The following DNAJC1 variants were observed in gnomAD, a reference collection of about 807,000 sequenced individuals.
DNAJC1 encodes the protein dnaJ homolog subfamily C member 1.
In DNAJC1, 58 loss-of-function variants were observed where a neutral mutation model predicts 76.6. The ratio of observed to expected loss-of-function variants is 0.76; its 90% confidence interval spans 0.61 to 0.94. The LOEUF is 0.94. Ranked by LOEUF, DNAJC1 falls within the 40% of genes least tolerant of loss-of-function variation. The probability of loss-of-function intolerance (pLI) is 0.00; values close to 1 mark genes in which losing one functional copy is unlikely to be tolerated. For missense variants in DNAJC1, 689 were observed against 677.3 expected (o/e 1.02, Z -0.19); for synonymous variants, 258 against 267.9 (o/e 0.96, Z 0.36).
intron 3 of DNAJC1, among the ~76,000 whole-genome samples, chr10:21,925,203 G>C (rs2807981): frequency 0.11 from 16,719 of 151,934 alleles, 1,224 homozygotes; most frequent in Non-Finnish European, 0.17. Flanking sequence ...GTAGAGATAG[G>C]GTCTAGCTAT....
At chr10:21,798,599 C>T (rs554261214) in intron 9 of DNAJC1, among the ~76,000 whole-genome samples, 1 of 151,162 alleles carries the variant, frequency 6.6e-6, no homozygotes, top group South Asian at 2.1e-4. Flanking sequence ...TGCTCCTTCA[C>T]TTGCTTTGTA....
intron 9 of DNAJC1, chr10:21,803,716 A>G (rs1834844701): frequency 1.8e-6 from 1 of 551,686 alleles, no homozygotes. Flanking sequence ...TGATGCTTAC[A>G]GAATGAAAAT....
At chr10:21,876,845 G>A (rs1836196697) in intron 8 of DNAJC1, among the ~76,000 whole-genome samples, 1 of 152,056 alleles carries the variant, frequency 6.6e-6, no homozygotes, top group South Asian at 2.1e-4. Flanking sequence ...AGAACTTTTG[G>A]AACAAAACAT....
intron 8 of DNAJC1, among the ~76,000 whole-genome samples, chr10:21,833,000 C>T (rs1221434258): frequency 6.6e-6 from 1 of 152,162 alleles, no homozygotes; most frequent in African/African-American, 2.4e-5. Context: ...GAATGTTTTC[C>T]CCACCCCACT....
chr10:21,859,215 G>A (rs973410104), intron 8 of DNAJC1, among the ~76,000 whole-genome samples: 8 of 152,082 alleles, frequency 5.3e-5, no homozygotes, highest in African/African-American at 1.7e-4. Flanking sequence ...CTTCTTAAGG[G>A]AATAGCTTAA....
rs772966557 is a variant in DNAJC1, at chr10:21,817,866, AT to A, written c.979-11768del. Reference sequence around the variant, plus strand: ...CACTTCCCCAATCAATACCCTTGTGATTTTCTATGCCTGTCTTTAATCTCTT... The same window carrying A: ...CACTTCCCCAATCAATACCCTTGTGATTTCTATGCCTGTCTTTAATCTCTT... On this transcript the variant is annotated intron_variant, in intron 8 of 11. Coordinates refer to ENST00000376980, the MANE Select transcript of DNAJC1 (RefSeq NM_022365.4). Among the ~76,000 whole-genome samples the A allele has an allele frequency of 2.6e-5, 4 of 152,214 alleles. No homozygotes were observed. The East Asian group carries it at 7.7e-4, about 29-fold the overall frequency.
chr10:21,993,352 T>C (rs1053433398), intron 1 of DNAJC1, among the ~76,000 whole-genome samples: 4 of 152,186 alleles, frequency 2.6e-5, no homozygotes, highest in African/African-American at 7.2e-5. Flanking sequence ...CAGAAAATTG[T>C]ATTTGTAAGA....
intron 8 of DNAJC1, among the ~76,000 whole-genome samples, chr10:21,821,420 TCTC>T (rs1442359456): frequency 6.6e-6 from 1 of 152,202 alleles, no homozygotes; most frequent in Non-Finnish European, 1.5e-5. Context: ...TAGATTATAA[TCTC>T]CTAAAGTTTG....
At chr10:21,760,261 C>A (rs987758011) in intron 10 of DNAJC1, among the ~76,000 whole-genome samples, 7 of 152,102 alleles carry the variant, frequency 4.6e-5, no homozygotes, top group African/African-American at 1.7e-4. Context: ...TCAGCCCGGG[C>A]AACAGAATGA....
intron 9 of DNAJC1, among the ~76,000 whole-genome samples, chr10:21,784,323 G>C (rs1007328331): frequency 2.0e-5 from 3 of 152,228 alleles, no homozygotes; most frequent in Non-Finnish European, 4.4e-5. Flanking sequence ...CTGGCCATCA[G>C]AGAAATGCAA....
intron 8 of DNAJC1, among the ~76,000 whole-genome samples, chr10:21,824,824 A>C (rs1236685493): frequency 1.3e-5 from 2 of 152,142 alleles, no homozygotes; most frequent in Non-Finnish European, 1.5e-5. Context: ...CCCAGGCTGG[A>C]GTGCAGTGGT....
At position 21,929,048 on chromosome 10, in the gene DNAJC1, A is replaced by C. The variant is rs1304192379; in HGVS notation, c.316T>G (p.Phe106Val). 1 of 1,601,864 alleles carries C rather than the reference A, an allele frequency of 6.2e-7. No homozygotes were observed. The highest frequency in any genetic ancestry group is 8.5e-7 in the Non-Finnish European group (1 of 1,172,316). ...KNKDENAETQ[F>V]RQLVAIYEVL... ...TAGCATATTTCACTTACTTGTCTAA[A>C]CTGAGTTTCTGCATTTTCATCTTTA... Residue 106 changes from phenylalanine to valine, a missense_variant, in exon 2 of 12, where the codon TTT becomes GTT. Phe to Val is a conservative substitution (Grantham distance 50). Transcript: ENST00000376980.
chr10:21,861,228 T>C (rs1835912994), intron 8 of DNAJC1, among the ~76,000 whole-genome samples: 1 of 152,156 alleles, frequency 6.6e-6, no homozygotes, highest in African/African-American at 2.4e-5. Flanking sequence ...AAGCCTGTGG[T>C]AAATTATCCA....
At chr10:21,757,214 G>C (rs2131613967) in intron 11 of DNAJC1, among the ~76,000 whole-genome samples, 1 of 152,298 alleles carries the variant, frequency 6.6e-6, no homozygotes, top group Non-Finnish European at 1.5e-5. Context: ...GACACTGGCA[G>C]AACTTGTGCT....
At chr10:21,778,160 C>CTG (rs1014995122) in intron 9 of DNAJC1, among the ~76,000 whole-genome samples, 1 of 152,050 alleles carries the variant, frequency 6.6e-6, no homozygotes, top group Non-Finnish European at 1.5e-5. Context: ...CACCACTGCA[C>CTG]TCCAGCCTGG....
intron 7 of DNAJC1, among the ~76,000 whole-genome samples, chr10:21,883,366 A>G (rs895186263): frequency 6.6e-6 from 1 of 151,960 alleles, no homozygotes; most frequent in Non-Finnish European, 1.5e-5. Context: ...TCAGCCTCAT[A>G]AGAGTATTTT....
intron 1 of DNAJC1, among the ~76,000 whole-genome samples, chr10:21,995,626 A>C (rs1446896245): frequency 6.6e-6 from 1 of 152,210 alleles, no homozygotes; most frequent in African/African-American, 2.4e-5. Flanking sequence ...CACAGAGCTT[A>C]ATGCCTACTG....
rs186886719 is a variant in DNAJC1 at position 22,001,518 on chromosome 10, T to C, written c.222+1695A>G. On this transcript the variant is annotated intron_variant, in intron 1 of 11. Transcript: ENST00000376980. ...TACCTTGACAAAGAATCTTCTTGAT[T>C]ATCTATGCTTCTTTATTTTCTCATC... 3.9e-5 allele frequency among the ~76,000 whole-genome samples: 6 copies of C among 152,350 alleles called. No individual in the cohort carries two copies. The East Asian group carries it at 9.6e-4, about 24-fold the overall frequency.
intron 9 of DNAJC1, among the ~76,000 whole-genome samples, chr10:21,805,407 G>A (rs969621779): frequency 6.7e-6 from 1 of 149,414 alleles, no homozygotes; most frequent in African/African-American, 2.5e-5. Flanking sequence ...ACCTTTCCAA[G>A]TAAGTAATTT....
Sources: gnomAD v4.1 joint callset for allele counts (sites outside exome capture counted in the v4.1 genomes callset) on GRCh38, gnomAD v4.1.1 for gene constraint, MANE v1.5 for transcripts, NCBI Gene and HGNC (gene_info 2026-07-23, HGNC 2026-07-21) for gene names.